Variants in PRKAR1B observed in about 807,000 individuals in gnomAD.
The protein encoded by PRKAR1B is protein kinase cAMP-dependent type I regulatory subunit beta.
PRKAR1B carries 22 observed loss-of-function variants against 46.5 expected under a neutral mutation model. That is an observed-to-expected ratio of 0.47 (90% CI 0.34 to 0.68). PRKAR1B has a LOEUF of 0.68. Ranked by LOEUF, PRKAR1B falls within the 30% of genes least tolerant of loss-of-function variation. PRKAR1B has a pLI of 0.01. For synonymous variants in PRKAR1B, 259 were observed against 217.7 expected (o/e 1.19, Z -1.67); for missense variants, 445 against 535.6 (o/e 0.83, Z 1.67).
intron 6 of PRKAR1B, 116 bp from the exon 7 acceptor site, chr7:596,420 C>T (rs1226679087): frequency 4.0e-5 from 51 of 1,286,066 alleles, no homozygotes; most frequent in Non-Finnish European, 5.1e-5. Context: ...CAGGGCGGGG[C>T]ACAAGCCCTT....
At chr7:711,614 TC>T in intron 1 of PRKAR1B, 87 bp from the exon 2 acceptor site, 1 of 1,219,346 alleles carries the variant, frequency 8.2e-7, no homozygotes, top group Non-Finnish European at 1.1e-6. Context: ...ACCAGGCTTC[TC>T]CCAGGAGCGT....
chr7:721,178 T>C (rs1303639507), intron 1 of PRKAR1B, among the ~76,000 whole-genome samples: 2 of 152,240 alleles, frequency 1.3e-5, no homozygotes, highest in East Asian at 3.8e-4. Flanking sequence ...AATACCTAGC[T>C]GTAGATATTT....
intron 4 of PRKAR1B, among the ~76,000 whole-genome samples, chr7:672,499 C>T (rs575162498): frequency 1.3e-5 from 2 of 151,786 alleles, no homozygotes; most frequent in East Asian, 1.9e-4. Context: ...CTCCACCCAC[C>T]GCACTGTTCC....
chr7:560,939 C>A lies in PRKAR1B; in HGVS notation c.892-9469G>T, dbSNP rs1388423746. 1.3e-5 allele frequency among the ~76,000 whole-genome samples: 2 copies of A among 152,190 alleles called. No homozygotes were observed. Among genetic ancestry groups the A allele is most frequent in the African/African-American group, 2.4e-5 (1 of 41,430 alleles). On this transcript the variant is annotated intron_variant, in intron 9 of 10. Coordinates refer to ENST00000537384, the MANE Select transcript of PRKAR1B (RefSeq NM_001164760.2). The surrounding 1 kb of genome is among the most constrained non-coding windows in gnomAD (Gnocchi z 4.2). ...TGGAAAATTCAGGCTCACTCCAGTG[C>A]CTTTACGTTTCCTGTGCACACATTT...
At chr7:627,531 C>T (rs1783473110) in intron 4 of PRKAR1B, among the ~76,000 whole-genome samples, 1 of 152,104 alleles carries the variant, frequency 6.6e-6, no homozygotes. Flanking sequence ...ACGGCCAACG[C>T]CACCCGGCAC....
At chr7:662,890 C>T (rs935631777) in intron 4 of PRKAR1B, among the ~76,000 whole-genome samples, 4 of 152,230 alleles carry the variant, frequency 2.6e-5, no homozygotes, top group African/African-American at 9.7e-5. Context: ...GCGGCCACAG[C>T]AGGGGCCTTC....
rs956488762 is a variant in PRKAR1B at position 665,253 on chromosome 7, G to A, written c.440+11976C>T. The stretch of plus-strand genomic sequence containing the variant: ...TTCCCGGCAGGTTAATGAGCTGTGT[G>A]TGCATTCACGGTGGGCAAGTCAGCC... On this transcript the variant is annotated intron_variant, in intron 4 of 10. Transcript: ENST00000537384. 5.3e-5 allele frequency among the ~76,000 whole-genome samples: 8 copies of A among 152,182 alleles called. 1 individual carries two copies. Among genetic ancestry groups the A allele is most frequent in the Non-Finnish European group, 1.5e-5 (1 of 68,036 alleles).
chr7:711,255 G>T, intron 2 of PRKAR1B, 74 bp downstream of exon 2: 7 of 1,566,828 alleles, frequency 4.5e-6, no homozygotes, highest in Non-Finnish European at 6.1e-6. Flanking sequence ...GGGACAGAGG[G>T]AAGGCTTCCC....
rs745401468 is a variant in PRKAR1B at position 606,143 on chromosome 7, C to T, written c.549+50G>A. The stretch of plus-strand genomic sequence containing the variant: ...CTGCCTGGAGGGCAAGTCTTCACAC[C>T]GGACATGCAAAGACGCGCTATTTTC... On this transcript the variant is annotated intron_variant, in intron 6 of 10. Coordinates refer to ENST00000537384, the MANE Select transcript of PRKAR1B (RefSeq NM_001164760.2). 8.4e-5 allele frequency: 133 copies of T among 1,585,754 alleles called. No individual in the cohort carries two copies. The Admixed American group carries it at 1.7e-3, about 21-fold the overall frequency.
chr7:625,519 A>G (rs2128475677), intron 4 of PRKAR1B, among the ~76,000 whole-genome samples: 1 of 152,174 alleles, frequency 6.6e-6, no homozygotes, highest in East Asian at 1.9e-4. Context: ...GGTCCCATGG[A>G]CAAGAGACAT....
chr7:599,599 A>C (rs1781477728), intron 6 of PRKAR1B, among the ~76,000 whole-genome samples: 1 of 152,200 alleles, frequency 6.6e-6, no homozygotes, highest in African/African-American at 2.4e-5. Flanking sequence ...CTCTTCTTTT[A>C]AAAGAAAAAA....
At chr7:580,952 A>G (rs1780147529) in intron 8 of PRKAR1B, among the ~76,000 whole-genome samples, 1 of 152,120 alleles carries the variant, frequency 6.6e-6, no homozygotes, top group Non-Finnish European at 1.5e-5. Context: ...ATTCTGCAGC[A>G]TAGGGAAGGG....
intron 4 of PRKAR1B, among the ~76,000 whole-genome samples, chr7:632,874 C>T (rs1473132590): frequency 6.6e-6 from 1 of 152,232 alleles, no homozygotes; most frequent in Admixed American, 6.5e-5. Context: ...GAGCCCCCGA[C>T]GGCCGGCACC....
chr7:665,687 T>C lies in PRKAR1B; in HGVS notation c.440+11542A>G, dbSNP rs149400943. Among the ~76,000 whole-genome samples the C allele has an allele frequency of 4.3e-3, 662 of 152,328 alleles. 19 individuals are homozygous for C. The highest frequency in any genetic ancestry group is 0.037 in the Admixed American group (565 of 15,300). On this transcript the variant is annotated intron_variant, in intron 4 of 10. Coordinates refer to ENST00000537384, the MANE Select transcript of PRKAR1B (RefSeq NM_001164760.2). Reference sequence around the variant, plus strand: ...CAAAATGCTAATTTTGTTTTTTTAATGTTGCCCGAAAGGGAAGCAGAAAGT... The same window carrying C: ...CAAAATGCTAATTTTGTTTTTTTAACGTTGCCCGAAAGGGAAGCAGAAAGT...
chr7:569,902 G>T (rs529600792), intron 9 of PRKAR1B, among the ~76,000 whole-genome samples: 1 of 152,366 alleles, frequency 6.6e-6, no homozygotes, highest in South Asian at 2.1e-4. Context: ...TCCCCGCGCA[G>T]ATGTCCGCAT....
intron 4 of PRKAR1B, among the ~76,000 whole-genome samples, chr7:638,134 C>T (rs1420240356): frequency 1.3e-5 from 2 of 152,238 alleles, no homozygotes; most frequent in Non-Finnish European, 2.9e-5. Context: ...CCAGCAGGCA[C>T]TTAATAAACA....
At chr7:605,772 C>T (rs1304730580) in intron 6 of PRKAR1B, among the ~76,000 whole-genome samples, 2 of 152,256 alleles carry the variant, frequency 1.3e-5, no homozygotes, top group Admixed American at 1.3e-4. Context: ...ATCGTGAAGT[C>T]GTCGGTCCTA....
At chr7:569,555 G>A (rs2128434468) in intron 9 of PRKAR1B, among the ~76,000 whole-genome samples, 1 of 152,326 alleles carries the variant, frequency 6.6e-6, no homozygotes, top group Middle Eastern at 3.4e-3. Flanking sequence ...GGGGGCCAGG[G>A]GGCATGCAGC....
chr7:647,378 C>G (rs953599714), intron 4 of PRKAR1B, among the ~76,000 whole-genome samples: 1 of 152,104 alleles, frequency 6.6e-6, no homozygotes, highest in African/African-American at 2.4e-5. Context: ...CCTGCTGCCC[C>G]GTAGCCTCCT....
Sources: gnomAD v4.1 joint callset for allele counts (sites outside exome capture counted in the v4.1 genomes callset) on GRCh38, gnomAD v4.1.1 for gene constraint, Gnocchi (gnomAD v3.1) non-coding constraint, MANE v1.5 for transcripts, NCBI Gene and HGNC (gene_info 2026-07-23, HGNC 2026-07-21) for gene names.